Variants in KSR2 observed in about 807,000 individuals in gnomAD.
KSR2 encodes kinase suppressor of ras 2.
A neutral mutation model predicts 107.8 loss-of-function variants in KSR2; 25 were observed. The observed-to-expected ratio is 0.23, with a 90% CI of 0.17 to 0.32. The LOEUF is 0.32. KSR2 is among the 10% of genes least tolerant of loss of function. The pLI is 1.00. For missense variants in KSR2, 887 were observed against 1,268.9 expected (o/e 0.70, Z 4.57); for synonymous variants, 480 against 507.0 (o/e 0.95, Z 0.71).
At chr12:117,544,380 G>A (rs960682667) in intron 9 of KSR2, among the ~76,000 whole-genome samples, 5 of 152,100 alleles carry the variant, frequency 3.3e-5, no homozygotes, top group African/African-American at 1.2e-4. Flanking sequence ...AGCACTTTGG[G>A]AGGCCGAGAT....
intron 6 of KSR2, among the ~76,000 whole-genome samples, chr12:117,580,933 C>A (rs1879622842): frequency 6.6e-6 from 1 of 152,004 alleles, no homozygotes; most frequent in Non-Finnish European, 1.5e-5. Flanking sequence ...AGGGGCAGGG[C>A]CAGTCCAGGG....
chr12:117,748,514 C>T (rs1436852621), intron 4 of KSR2, among the ~76,000 whole-genome samples: 2 of 152,040 alleles, frequency 1.3e-5, no homozygotes, highest in Admixed American at 1.3e-4. Context: ...TTAAATAATT[C>T]CACAATGTAT....
At chr12:117,861,431 C>T (rs1273203333) in intron 1 of KSR2, among the ~76,000 whole-genome samples, 1 of 131,584 alleles carries the variant, frequency 7.6e-6, no homozygotes, top group East Asian at 2.4e-4. Context: ...CTCTGTCGCC[C>T]AGGCTGGAGT....
chr12:117,891,847 A>T (rs188443786), intron 1 of KSR2, among the ~76,000 whole-genome samples: 28 of 151,988 alleles, frequency 1.8e-4, no homozygotes, highest in African/African-American at 6.3e-4. Context: ...AACATAACAA[A>T]ATATTAGCTA....
intron 4 of KSR2, among the ~76,000 whole-genome samples, chr12:117,711,480 G>A (rs760051143): frequency 1.3e-5 from 2 of 152,246 alleles, no homozygotes; most frequent in East Asian, 1.9e-4. Context: ...AGGGAAGCAC[G>A]TGGAGATGTG....
At chr12:117,946,205 T>C (rs761161671) in intron 1 of KSR2, among the ~76,000 whole-genome samples, 10 of 151,902 alleles carry the variant, frequency 6.6e-5, no homozygotes, top group Non-Finnish European at 1.3e-4. Flanking sequence ...AAAATAAACC[T>C]ATAGTAAGCA....
intron 3 of KSR2, among the ~76,000 whole-genome samples, chr12:117,851,906 A>T (rs1023367659): frequency 2.0e-5 from 3 of 152,058 alleles, no homozygotes; most frequent in Non-Finnish European, 4.4e-5. Context: ...AAAAAAAGAA[A>T]GTGGCTATTA....
At chr12:117,865,458 T>C (rs1285980749) in intron 1 of KSR2, among the ~76,000 whole-genome samples, 1 of 152,222 alleles carries the variant, frequency 6.6e-6, no homozygotes, top group Non-Finnish European at 1.5e-5. Flanking sequence ...ATTTCAAACA[T>C]TGCAAAAGAA....
chr12:117,520,808 G>A (rs1420679376), intron 14 of KSR2, among the ~76,000 whole-genome samples: 1 of 152,060 alleles, frequency 6.6e-6, no homozygotes, highest in Non-Finnish European at 1.5e-5. Context: ...TTCTATAACT[G>A]AGGGTTCAAA....
chr12:117,735,003 G>C (rs7970951), intron 4 of KSR2, among the ~76,000 whole-genome samples: 39,191 of 151,966 alleles, frequency 0.26, 5,352 homozygotes, highest in Middle Eastern at 0.32. Flanking sequence ...TCCACTTTCT[G>C]GGTGCGTTTC....
intron 5 of KSR2, among the ~76,000 whole-genome samples, chr12:117,656,625 G>A (rs749443052): frequency 1.3e-5 from 2 of 152,060 alleles, no homozygotes; most frequent in East Asian, 1.9e-4. Context: ...AAAAATTAAC[G>A]TTTGAGTCAG....
At chr12:117,705,950 C>T (rs897364268) in intron 4 of KSR2, among the ~76,000 whole-genome samples, 2 of 151,892 alleles carry the variant, frequency 1.3e-5, no homozygotes, top group Admixed American at 1.3e-4. Context: ...CCTCACAAGC[C>T]GTTCAGACAA....
chr12:117,832,093 T>C (rs953845372), intron 3 of KSR2, among the ~76,000 whole-genome samples: 2 of 152,192 alleles, frequency 1.3e-5, no homozygotes, highest in East Asian at 1.9e-4. Context: ...GAGACTATCC[T>C]GGCCAACATG....
intron 4 of KSR2, among the ~76,000 whole-genome samples, chr12:117,689,209 T>G (rs903798079): frequency 1.7e-4 from 26 of 152,338 alleles, no homozygotes; most frequent in African/African-American, 5.8e-4. Flanking sequence ...TTTGGCAGTT[T>G]GTTGTCTTCA....
At position 117,464,425 on chromosome 12, in the gene KSR2, T is replaced by C. The variant is rs572714479; in HGVS notation, c.*2774A>G. 5.3e-5 allele frequency: 8 copies of C among 152,348 alleles called. No individual in the cohort carries two copies. Among genetic ancestry groups the C allele is most frequent in the South Asian group, 4.1e-4 (2 of 4,828 alleles). 9.4% of individuals were successfully genotyped at this position (152,348 alleles called of 1,614,324 possible). A position where few individuals can be genotyped will look rare whatever the true frequency, so the allele number is the denominator to read the frequency against. On this transcript the variant is annotated 3_prime_UTR_variant, in exon 20 of 20. Coordinates refer to ENST00000339824, the MANE Select transcript of KSR2 (RefSeq NM_173598.6). The stretch of plus-strand genomic sequence containing the variant: ...CACAAATCTTGGTCGTGTCATTGTA[T>C]AGAATGAGTTGCAGGTGAGGCTGGT...
intron 15 of KSR2, among the ~76,000 whole-genome samples, chr12:117,484,873 C>T (rs1174632639): frequency 1.3e-5 from 2 of 152,216 alleles, no homozygotes; most frequent in Non-Finnish European, 2.9e-5. Context: ...TTTTCATCCA[C>T]TTCCCCTTTA....
intron 5 of KSR2, among the ~76,000 whole-genome samples, chr12:117,594,835 T>G (rs976089567): frequency 6.6e-6 from 1 of 152,192 alleles, no homozygotes; most frequent in Non-Finnish European, 1.5e-5. Flanking sequence ...CATTTTTCGT[T>G]GTCACAACTT....
chr12:117,772,413 T>C (rs1177585466), intron 3 of KSR2, among the ~76,000 whole-genome samples: 23 of 56,924 alleles, frequency 4.0e-4, no homozygotes, highest in East Asian at 1.2e-3. Context: ...CACACACTCA[T>C]ACACACACAC....
chr12:117,743,016 T>C (rs1468227250), intron 4 of KSR2, among the ~76,000 whole-genome samples: 2 of 152,210 alleles, frequency 1.3e-5, no homozygotes, highest in Non-Finnish European at 2.9e-5. Flanking sequence ...CCATTGCCTA[T>C]ATAAACTACT....
Sources: gnomAD v4.1 joint callset for allele counts (sites outside exome capture counted in the v4.1 genomes callset) on GRCh38, gnomAD v4.1.1 for gene constraint, MANE v1.5 for transcripts, NCBI Gene and HGNC (gene_info 2026-07-23, HGNC 2026-07-21) for gene names.